Variants in LARP4 observed in about 807,000 individuals in gnomAD.
The protein encoded by LARP4 is La ribonucleoprotein 4.
Under a neutral mutation model 92.9 loss-of-function variants are expected in LARP4, and 29 were observed. The observed-to-expected ratio is 0.31, with a 90% CI of 0.23 to 0.43. LARP4 has a LOEUF of 0.43. Ranked by LOEUF, LARP4 falls within the 20% of genes least tolerant of loss-of-function variation. The probability of loss-of-function intolerance (pLI) is 1.00; values close to 1 mark genes in which losing one functional copy is unlikely to be tolerated. For missense variants in LARP4, 732 were observed against 860.0 expected, an observed-to-expected ratio of 0.85 and a Z score of 1.86; for synonymous variants, 279 against 284.1, an observed-to-expected ratio of 0.98 and a Z score of 0.18.
At chr12:50,414,772 C>G (rs951850498) in intron 1 of LARP4, among the ~76,000 whole-genome samples, 2 of 152,242 alleles carry the variant, frequency 1.3e-5, no homozygotes, top group South Asian at 4.1e-4. Flanking sequence ...TTATAGTATT[C>G]CACATTAAGA....
In LARP4 at chr12:50,421,230, T is replaced by G. The variant is rs1947732228; in HGVS notation, c.19-6532T>G. Reference sequence around the variant, plus strand: ...TCTCAAAGTGCTTTGATTACAGGCGTGAGCCACCGTACCCAGCCGGCTTTT... The same window carrying G: ...TCTCAAAGTGCTTTGATTACAGGCGGGAGCCACCGTACCCAGCCGGCTTTT... On this transcript the variant is annotated intron_variant, in intron 1 of 15. Transcript: ENST00000398473. 4.1e-6 allele frequency: 4 copies of G among 979,730 alleles called. No individual in the cohort carries two copies. In the East Asian group the frequency reaches 4.6e-4, roughly 112 times the overall value. The allele number at this position is 979,730 out of a possible 1,614,324, so 60.7% of individuals were successfully genotyped here.
At chr12:50,462,549 C>T in intron 11 of LARP4, 33 bp from the exon 12 acceptor site, 1 of 1,204,792 alleles carries the variant, frequency 8.3e-7, no homozygotes, top group Non-Finnish European at 1.2e-6. Context: ...GTCCCTCCAC[C>T]CCACCCCACC....
At chr12:50,413,859 A>G (rs940323383) in intron 1 of LARP4, among the ~76,000 whole-genome samples, 14 of 152,206 alleles carry the variant, frequency 9.2e-5, no homozygotes, top group Non-Finnish European at 1.0e-4. Context: ...AGATTTTTAC[A>G]GTTTTCCCTA....
intron 11 of LARP4, among the ~76,000 whole-genome samples, chr12:50,461,798 A>G (rs1955429918): frequency 6.6e-6 from 1 of 152,044 alleles, no homozygotes; most frequent in Non-Finnish European, 1.5e-5. Context: ...CTCTATGAAA[A>G]AATACAAAAA....
chr12:50,411,426 G>A (rs1375381878), intron 1 of LARP4, among the ~76,000 whole-genome samples: 2 of 147,628 alleles, frequency 1.4e-5, no homozygotes, highest in Non-Finnish European at 3.0e-5. Flanking sequence ...CTCAGCTCAC[G>A]GCAACCCCTG....
At chr12:50,424,360 C>CTTT (rs1022740121) in intron 1 of LARP4, among the ~76,000 whole-genome samples, 1 of 141,516 alleles carries the variant, frequency 7.1e-6, no homozygotes, top group Non-Finnish European at 1.6e-5. Context: ...ACTGGCTGTC[C>CTTT]TTTTTTTTTT....
In LARP4 at chr12:50,479,466, A is replaced by G. The variant is rs1184219155; in HGVS notation, c.*3602A>G. 4 of 152,162 alleles carry G rather than the reference A, an allele frequency of 2.6e-5. No individual in the cohort carries two copies. Among genetic ancestry groups the G allele is most frequent in the African/African-American group, 4.8e-5 (2 of 41,430 alleles). The allele number at this position is 152,162 out of a possible 1,614,324, so 9.4% of individuals were successfully genotyped here. ...GGGCATATGCTAGTCTGAGCTTCCG[A>G]AAAGATACATATATGTTTCCCTTTT... On this transcript the variant is annotated 3_prime_UTR_variant, in exon 16 of 16. Coordinates refer to ENST00000398473, the MANE Select transcript of LARP4 (RefSeq NM_052879.5).
intron 12 of LARP4, among the ~76,000 whole-genome samples, chr12:50,464,692 C>G (rs1955907657): frequency 6.6e-6 from 1 of 150,654 alleles, no homozygotes; most frequent in Non-Finnish European, 1.5e-5. Context: ...CGTGCCTGAC[C>G]AACAATTCTT....
chr12:50,444,780 C>T (rs1951747703), intron 8 of LARP4, among the ~76,000 whole-genome samples: 1 of 152,188 alleles, frequency 6.6e-6, no homozygotes, highest in Admixed American at 6.5e-5. Flanking sequence ...CATTCTGTTT[C>T]AATTGTGATT....
chr12:50,462,439 C>T lies in LARP4; in HGVS notation c.1335-143C>T, dbSNP rs144206634. 5.0e-6 allele frequency: 3 copies of T among 600,382 alleles called. No homozygotes were observed. In the East Asian group the frequency reaches 9.2e-5, roughly 18 times the overall value. The allele number at this position is 600,382 out of a possible 1,614,324, so 37.2% of individuals were successfully genotyped here. A position where few individuals can be genotyped will look rare whatever the true frequency, so the allele number is the denominator to read the frequency against. The stretch of plus-strand genomic sequence containing the variant: ...TTCGTAGTGAGCCGAGATCGCGCCA[C>T]TGCACTCCAGCCTGGCGACAGAGCG... On this transcript the variant is annotated intron_variant, in intron 11 of 15. Transcript: ENST00000398473.
intron 8 of LARP4, among the ~76,000 whole-genome samples, chr12:50,449,230 C>A (rs927749427): frequency 6.6e-5 from 10 of 152,110 alleles, no homozygotes; most frequent in Non-Finnish European, 1.5e-4. Context: ...GGCGGCAGAG[C>A]AAGACTGTGT....
intron 10 of LARP4, among the ~76,000 whole-genome samples, chr12:50,459,951 A>G (rs750717318): frequency 1.3e-5 from 2 of 152,104 alleles, no homozygotes; most frequent in African/African-American, 2.4e-5. Context: ...AGCCTGGCCA[A>G]CATGGCAAAA....
intron 10 of LARP4, among the ~76,000 whole-genome samples, chr12:50,459,822 CAAAAAAAAAAA>C (rs59855735): frequency 5.0e-5 from 5 of 99,854 alleles, no homozygotes; most frequent in South Asian, 3.5e-4. Flanking sequence ...GACTCCGTAT[CAAAAAAAAAAA>C]AAAAAAAAAA....
chr12:50,440,352 G>A, intron 6 of LARP4, 87 bp from the exon 7 acceptor site: 2 of 907,174 alleles, frequency 2.2e-6, no homozygotes, highest in Non-Finnish European at 1.8e-6. Context: ...ATGAAGATAG[G>A]CTTAACATTA....
intron 1 of LARP4, among the ~76,000 whole-genome samples, chr12:50,413,232 A>G (rs2136466252): frequency 6.6e-6 from 1 of 152,160 alleles, no homozygotes; most frequent in South Asian, 2.1e-4. Flanking sequence ...CAAAAAAAAA[A>G]AAAAATTGGC....
At chr12:50,405,276 C>A (rs1257238695) in intron 1 of LARP4, among the ~76,000 whole-genome samples, 1 of 152,082 alleles carries the variant, frequency 6.6e-6, no homozygotes, top group East Asian at 1.9e-4. Flanking sequence ...TTGGATGATT[C>A]ACAAAGTCAT....
chr12:50,461,474 C>T lies in LARP4; in HGVS notation c.1334+127C>T, dbSNP rs139571471. On this transcript the variant is annotated intron_variant, in intron 11 of 15. Coordinates refer to ENST00000398473, the MANE Select transcript of LARP4 (RefSeq NM_052879.5). ...GGTATATGGTTATATTAAATAAATA[C>T]GTTATTTTCAGAACATGAGTTGGTT... is the stretch of plus-strand genomic sequence containing the variant. The T allele has an allele frequency of 1.6e-3, 1,627 of 989,318 alleles. 21 individuals carry two copies. The East Asian group carries it at 0.026, about 16-fold the overall frequency. 61.3% of individuals were successfully genotyped at this position (989,318 alleles called of 1,614,324 possible).
At chr12:50,422,448 G>A (rs1947968534) in intron 1 of LARP4, among the ~76,000 whole-genome samples, 1 of 152,040 alleles carries the variant, frequency 6.6e-6, no homozygotes. Context: ...ACCCTGAGAT[G>A]CATATTTTTG....
At chr12:50,418,016 A>G (rs61926224) in intron 1 of LARP4, among the ~76,000 whole-genome samples, 4,170 of 152,122 alleles carry the variant, frequency 0.027, 104 homozygotes, top group Non-Finnish European at 0.041. Context: ...ACCCACCACC[A>G]CGCCCGGCTA....
Sources: gnomAD v4.1 joint callset for allele counts (sites outside exome capture counted in the v4.1 genomes callset) on GRCh38, gnomAD v4.1.1 for gene constraint, MANE v1.5 for transcripts, NCBI Gene and HGNC (gene_info 2026-07-23, HGNC 2026-07-21) for gene names.